EDEM3: variants seen among roughly 807,000 people sequenced by gnomAD.
EDEM3 encodes the protein ER degradation-enhancing alpha-mannosidase-like protein 3.
A neutral mutation model predicts 110.2 loss-of-function variants in EDEM3; 60 were observed. The observed-to-expected ratio is 0.54, with a 90% confidence interval of 0.44 to 0.67. EDEM3 has a LOEUF of 0.67. EDEM3 is among the 30% of genes least tolerant of loss of function. EDEM3 has a pLI of 0.00. For synonymous variants in EDEM3, 352 were observed against 382.9 expected (o/e 0.92, Z 0.94); for missense variants, 996 against 1,121.0 (o/e 0.89, Z 1.59).
At chr1:184,737,275 T>C (rs1017942363) in intron 3 of EDEM3, among the ~76,000 whole-genome samples, 1 of 152,164 alleles carries the variant, frequency 6.6e-6, no homozygotes, top group Non-Finnish European at 1.5e-5. Flanking sequence ...TCAAGAGTCA[T>C]AGAAACATTC....
intron 6 of EDEM3, among the ~76,000 whole-genome samples, chr1:184,728,764 T>G (rs1385969088): frequency 6.6e-6 from 1 of 152,054 alleles, no homozygotes; most frequent in Non-Finnish European, 1.5e-5. Context: ...CACACACCAC[T>G]ACATCCAGCT....
Position 184,754,596 on chromosome 1 carries a change from C to G in EDEM3, c.51G>C (p.Ala17=). The G allele has an allele frequency of 3.7e-6, 6 of 1,610,714 alleles. No homozygotes were observed. Among genetic ancestry groups the G allele is most frequent in the Non-Finnish European group, 4.2e-6 (5 of 1,178,832 alleles). Residue 17 remains alanine (A), a synonymous_variant, in exon 1 of 20, where the codon GCG becomes GCC. Transcript: ENST00000318130. Reference sequence around the variant, plus strand: ...CCGTCGCCGCCACTAGTCTCCATCGCGCTCGCTGGGGAACCGGGGACCCAC... The same window carrying G: ...CCGTCGCCGCCACTAGTCTCCATCGGGCTCGCTGGGGAACCGGGGACCCAC... ...RGCGSPVPQR[A]RWRLVAATAA...
chr1:184,691,633 A>C lies in EDEM3; in HGVS notation c.*2430T>G, dbSNP rs549756225. ...AAAAACAAAACACTAAAAAAAAAAA[A>C]AACAACTAATGCCTTTGGAATTTTT... On this transcript the variant is annotated 3_prime_UTR_variant, in exon 20 of 20. Coordinates refer to ENST00000318130, the MANE Select transcript of EDEM3 (RefSeq NM_025191.4). The C allele has an allele frequency of 2.6e-5, 4 of 152,572 alleles. No individual in the cohort carries two copies. Among genetic ancestry groups the C allele is most frequent in the East Asian group, 1.9e-4 (1 of 5,184 alleles). The allele number at this position is 152,572 out of a possible 1,614,324, so 9.5% of individuals were successfully genotyped here. A position where few individuals can be genotyped will look rare whatever the true frequency, so the allele number is the denominator to read the frequency against.
At chr1:184,705,575 A>C (rs1649868706) in intron 18 of EDEM3, among the ~76,000 whole-genome samples, 2 of 152,212 alleles carry the variant, frequency 1.3e-5, no homozygotes, top group African/African-American at 2.4e-5. Flanking sequence ...TAAGTCATTA[A>C]ACAGGACTTC....
rs972372783 is a variant in EDEM3 at position 184,731,894 on chromosome 1, C to T, written c.612+943G>A. On this transcript the variant is annotated intron_variant, in intron 6 of 19. Transcript: ENST00000318130. Reference sequence around the variant, plus strand: ...ACTATGTTAAATGAAATAAGCCAGGCACCTGGGTGTGGTGGCTCATGCCTG... The same window carrying T: ...ACTATGTTAAATGAAATAAGCCAGGTACCTGGGTGTGGTGGCTCATGCCTG... 4.6e-5 allele frequency among the ~76,000 whole-genome samples: 7 copies of T among 152,118 alleles called. 1 individual carries two copies. The highest frequency in any genetic ancestry group is 7.4e-5 in the Non-Finnish European group (5 of 68,022).
At chr1:184,711,611 A>G in intron 15 of EDEM3, 112 bp downstream of exon 15, 1 of 898,874 alleles carries the variant, frequency 1.1e-6, no homozygotes, top group East Asian at 3.0e-5. Flanking sequence ...ATACCTCAAC[A>G]TTTTCGGCCT....
intron 15 of EDEM3, among the ~76,000 whole-genome samples, 168 bp downstream of exon 15, chr1:184,711,555 C>A (rs560438809): frequency 3.9e-5 from 6 of 152,110 alleles, no homozygotes; most frequent in African/African-American, 9.7e-5. Flanking sequence ...ATAAGCTTTA[C>A]TATCTAACTT....
Position 184,702,892 on chromosome 1 carries a change from T to G in EDEM3, c.2308A>C (p.Lys770Gln). The G allele has an allele frequency of 6.2e-7, 1 of 1,613,700 alleles. No homozygotes were observed. Among genetic ancestry groups the G allele is most frequent in the Non-Finnish European group, 8.5e-7 (1 of 1,179,794 alleles). Reference protein sequence around the residue: ...IKIPMLFLFSKEGSIILDAIR... With the variant: ...IKIPMLFLFSQEGSIILDAIR... ...GCATCCAGTATGATACTTCCTTCTT[T>G]GCTGAATAAGAACAGCATGGGGATC... The change falls in exon 19 of 20, where the codon AAA becomes CAA. Residue 770 changes from lysine (K) to glutamine (Q), a missense_variant. Lys to Gln is a moderately conservative substitution (Grantham distance 53). This residue lies in a region of EDEM3 where 345 missense variants were observed against 402.0 expected (regional missense o/e 0.86). Coordinates refer to ENST00000318130, the MANE Select transcript of EDEM3 (RefSeq NM_025191.4).
rs200420382 is a variant in EDEM3, at chr1:184,751,157, CAT to C, written c.159-1567_159-1566del. 3.5e-3 allele frequency among the ~76,000 whole-genome samples: 505 copies of C among 143,602 alleles called. 5 individuals carry two copies. In the East Asian group the frequency reaches 0.041, roughly 12 times the overall value. 94.2% of individuals were successfully genotyped at this position (143,602 alleles called of 152,430 possible). A position where few individuals can be genotyped will look rare whatever the true frequency, so the allele number is the denominator to read the frequency against. On this transcript the variant is annotated intron_variant, in intron 1 of 19. Coordinates refer to ENST00000318130, the MANE Select transcript of EDEM3 (RefSeq NM_025191.4). ...AAAGCACTAATTCTTTGTAAGTTTA[CAT>C]ATATATATATGTTTATATATATATA... is the stretch of plus-strand genomic sequence containing the variant.
rs536664039 is a variant in EDEM3 at position 184,694,246 on chromosome 1, C to T, written c.2616G>A (p.Glu872=). ...TACATTCACCATTAAGATTTGTAGT[C>T]TCATGGTTTTCTGTGGGATTAGAAG... is the stretch of plus-strand genomic sequence containing the variant. ...EQTSNPTENH[E]TTNLNGECTD... is the part of the protein sequence containing the mutation. The change falls in exon 20 of 20, where the codon GAG becomes GAA. Residue 872 remains glutamate, a synonymous_variant. Coordinates refer to ENST00000318130, the MANE Select transcript of EDEM3 (RefSeq NM_025191.4). 1.9e-6 allele frequency: 3 copies of T among 1,613,186 alleles called. No homozygotes were observed.
chr1:184,713,378 A>T (rs2102075879), intron 13 of EDEM3, among the ~76,000 whole-genome samples: 1 of 152,384 alleles, frequency 6.6e-6, no homozygotes, highest in African/African-American at 2.4e-5. Context: ...GTGGAGAAAT[A>T]AAGACAGTAA....
At chr1:184,750,282 T>G (rs1333740931) in intron 1 of EDEM3, among the ~76,000 whole-genome samples, 1 of 152,238 alleles carries the variant, frequency 6.6e-6, no homozygotes, top group African/African-American at 2.4e-5. Flanking sequence ...TGGCGAATTC[T>G]GTTTCACAAA....
At position 184,754,502 on chromosome 1, in the gene EDEM3, T is replaced by C; in HGVS notation, c.145A>G (p.Lys49Glu). 1 of 1,611,996 alleles carries C rather than the reference T, an allele frequency of 6.2e-7. No homozygotes were observed. The highest frequency in any genetic ancestry group is 8.5e-7 in the Non-Finnish European group (1 of 1,179,590). ...CAGCACCCTTACCCAAGCTTCTGTTTCTCCTCCCTACTCATGGGCTCGGCC... is the reference window on the plus strand; with the variant it reads ...CAGCACCCTTACCCAAGCTTCTGTTCCTCCTCCCTACTCATGGGCTCGGCC... ...AGAEPMSREE[K>E]QKLGNQVLEM... is the part of the protein sequence containing the mutation. The change falls in exon 1 of 20, where the codon AAA (lysine) becomes GAA (glutamate). Residue 49 changes from lysine (K) to glutamate (E), a missense_variant. Lys to Glu is a moderately conservative substitution (Grantham distance 56). Transcript: ENST00000318130.
chr1:184,750,428 C>T (rs766182389), intron 1 of EDEM3, among the ~76,000 whole-genome samples: 1 of 151,994 alleles, frequency 6.6e-6, no homozygotes, highest in Non-Finnish European at 1.5e-5. Flanking sequence ...TTGAGGACTA[C>T]AGGAAAAAGT....
At chr1:184,694,830 C>G (rs1462392181) in intron 19 of EDEM3, among the ~76,000 whole-genome samples, 1 of 151,852 alleles carries the variant, frequency 6.6e-6, no homozygotes, top group Non-Finnish European at 1.5e-5. Flanking sequence ...TATTAGATAC[C>G]TAAAGCTTAT....
At chr1:184,752,320 A>T (rs1192759690) in intron 1 of EDEM3, among the ~76,000 whole-genome samples, 1 of 152,120 alleles carries the variant, frequency 6.6e-6, no homozygotes, top group Non-Finnish European at 1.5e-5. Flanking sequence ...TGGGGAGGGA[A>T]AGGGGTGGGG....
intron 1 of EDEM3, among the ~76,000 whole-genome samples, chr1:184,750,876 A>G (rs1213226385): frequency 6.6e-6 from 1 of 152,132 alleles, no homozygotes; most frequent in Non-Finnish European, 1.5e-5. Context: ...AGTGTTAAAG[A>G]AATTGCTGAC....
chr1:184,751,653 A>T (rs1372727368), intron 1 of EDEM3, among the ~76,000 whole-genome samples: 2 of 152,356 alleles, frequency 1.3e-5, no homozygotes, highest in South Asian at 2.1e-4. Flanking sequence ...AGAAAAAAAA[A>T]TTTCCATAAT....
chr1:184,717,478 A>C (rs1212367460), intron 12 of EDEM3, 62 bp downstream of exon 12: 43 of 1,361,174 alleles, frequency 3.2e-5, no homozygotes, highest in Non-Finnish European at 4.4e-5. Context: ...ATTATGAAAG[A>C]ATGAGAGATC....
Sources: allele counts gnomAD v4.1 joint callset (sites outside exome capture counted in the v4.1 genomes callset), GRCh38; gene constraint gnomAD v4.1.1; regional missense constraint gnomAD v4.1.1; transcripts MANE v1.5; gene names NCBI Gene and HGNC (gene_info 2026-07-23, HGNC 2026-07-21).